SLC24A2: variants seen among roughly 807,000 people sequenced by gnomAD.
SLC24A2 encodes the protein sodium/potassium/calcium exchanger 2.
A neutral mutation model predicts 62.0 loss-of-function variants in SLC24A2; 36 were observed. That is an observed-to-expected ratio of 0.58 (90% CI 0.44 to 0.77). The LOEUF (loss-of-function observed/expected upper bound fraction) is 0.77, where lower values mean the gene tolerates loss of function less well. Ranked by LOEUF, SLC24A2 falls within the 30% of genes least tolerant of loss-of-function variation. The probability of loss-of-function intolerance (pLI) is 0.00; values close to 1 mark genes in which losing one functional copy is unlikely to be tolerated. For missense variants in SLC24A2, 846 were observed against 817.9 expected, an observed-to-expected ratio of 1.03 and a Z score of -0.42; for synonymous variants, 358 against 294.0, an observed-to-expected ratio of 1.22 and a Z score of -2.23.
the SLC24A2 span, among the ~76,000 whole-genome samples, chr9:19,816,052 C>G: frequency 4.8e-5 from 7 of 144,648 alleles, no homozygotes; most frequent in African/African-American, 1.5e-4. Context: ...TTTGTGACAA[C>G]CGGCTGCTAA....
At chr9:20,066,418 A>G in the SLC24A2 span, among the ~76,000 whole-genome samples, 1 of 152,294 alleles carries the variant, frequency 6.6e-6, no homozygotes, top group South Asian at 2.1e-4. Flanking sequence ...AGAATTAGAA[A>G]GGGGGGAAAC....
chr9:19,891,032 A>C, the SLC24A2 span, among the ~76,000 whole-genome samples: 1 of 152,212 alleles, frequency 6.6e-6, no homozygotes, highest in Non-Finnish European at 1.5e-5. Flanking sequence ...CCACTTGTTA[A>C]GTAAAACACC....
At chr9:19,621,384 T>C (rs568159174) in intron 3 of SLC24A2, among the ~76,000 whole-genome samples, 80 of 152,216 alleles carry the variant, frequency 5.3e-4, no homozygotes, top group Non-Finnish European at 9.3e-4. Flanking sequence ...TCTCAATGAA[T>C]GTTATGTCTT....
intron 2 of SLC24A2, among the ~76,000 whole-genome samples, chr9:19,758,795 A>T (rs530334310): frequency 3.3e-5 from 5 of 152,284 alleles, no homozygotes; most frequent in African/African-American, 1.2e-4. Flanking sequence ...AGAAATCAAG[A>T]CAGTCATTTC....
intron 2 of SLC24A2, among the ~76,000 whole-genome samples, chr9:19,723,497 T>C (rs1226104648): frequency 2.0e-5 from 3 of 152,180 alleles, no homozygotes; most frequent in Non-Finnish European, 4.4e-5. Flanking sequence ...CCAAACCGTC[T>C]TAAGCCATAA....
chr9:20,197,304 A>T, the SLC24A2 span, among the ~76,000 whole-genome samples: 1 of 152,154 alleles, frequency 6.6e-6, no homozygotes, highest in East Asian at 1.9e-4. Context: ...ATAGGAAAAG[A>T]GTCCCCTTCC....
intron 2 of SLC24A2, among the ~76,000 whole-genome samples, chr9:19,783,275 C>T (rs560228475): frequency 3.0e-4 from 45 of 152,334 alleles, no homozygotes; most frequent in African/African-American, 1.1e-3. Flanking sequence ...TGTGATTCCT[C>T]TACCTTCCCA....
the SLC24A2 span, among the ~76,000 whole-genome samples, chr9:19,837,458 CAAAAAAAAAAAAAAAAAAAAAAA>C: frequency 4.5e-5 from 1 of 22,348 alleles, no homozygotes; most frequent in Non-Finnish European, 8.5e-5. Context: ...GACTCCGTCT[CAAAAAAAAAAAAAAAAAAAAAAA>C]AAAAAAAAAA....
chr9:19,573,609 T>C (rs190789763), intron 6 of SLC24A2, 140 bp from the exon 7 acceptor site: 14 of 770,066 alleles, frequency 1.8e-5, no homozygotes, highest in East Asian at 8.2e-5. Flanking sequence ...TTTCCTAAAA[T>C]GTTGGGCTAA....
chr9:20,117,833 C>T, the SLC24A2 span, among the ~76,000 whole-genome samples: 1 of 152,060 alleles, frequency 6.6e-6, no homozygotes, highest in African/African-American at 2.4e-5. Flanking sequence ...ATTTAATTCT[C>T]CTGAAAGTCT....
chr9:19,760,993 C>T (rs892424164), intron 2 of SLC24A2, among the ~76,000 whole-genome samples: 1 of 152,124 alleles, frequency 6.6e-6, no homozygotes, highest in Admixed American at 6.5e-5. Flanking sequence ...ATCACACCAA[C>T]ATGGCACATG....
At chr9:19,654,071 G>A (rs1411910839) in intron 2 of SLC24A2, among the ~76,000 whole-genome samples, 21 of 152,078 alleles carry the variant, frequency 1.4e-4, no homozygotes, top group Admixed American at 1.4e-3. Context: ...GTTTCTCCAT[G>A]GCCCTTTGTA....
At chr9:19,677,173 T>C (rs1459663460) in intron 2 of SLC24A2, among the ~76,000 whole-genome samples, 1 of 152,212 alleles carries the variant, frequency 6.6e-6, no homozygotes, top group Non-Finnish European at 1.5e-5. Flanking sequence ...AGACATGGAA[T>C]CAACCTAAAT....
the SLC24A2 span, among the ~76,000 whole-genome samples, chr9:20,141,338 C>T: frequency 6.6e-6 from 1 of 152,010 alleles, no homozygotes; most frequent in East Asian, 1.9e-4. Flanking sequence ...GGACTTGATC[C>T]TGCAGTTAGC....
the SLC24A2 span, among the ~76,000 whole-genome samples, chr9:20,246,774 G>C: frequency 2.1e-4 from 32 of 152,324 alleles, no homozygotes; most frequent in East Asian, 4.8e-3. Context: ...TGCCTGTATA[G>C]CTAGGCACAT....
intron 2 of SLC24A2, among the ~76,000 whole-genome samples, chr9:19,686,018 A>G (rs929878421): frequency 2.0e-5 from 3 of 152,180 alleles, no homozygotes; most frequent in African/African-American, 7.2e-5. Flanking sequence ...CAAACTAAGC[A>G]TTCAACAAAG....
the SLC24A2 span, among the ~76,000 whole-genome samples, chr9:20,126,264 A>G: frequency 0.12 from 17,808 of 152,170 alleles, 1,053 homozygotes; most frequent in Middle Eastern, 0.17. Flanking sequence ...GAGTAGTTTA[A>G]GCATTTATTT....
chr9:20,198,460 A>T, the SLC24A2 span, among the ~76,000 whole-genome samples: 4 of 152,186 alleles, frequency 2.6e-5, no homozygotes, highest in South Asian at 4.2e-4. Flanking sequence ...TTCGCCCTTT[A>T]ATCTTTTCCC....
At chr9:19,825,957 G>C in the SLC24A2 span, among the ~76,000 whole-genome samples, 1 of 152,094 alleles carries the variant, frequency 6.6e-6, no homozygotes, top group African/African-American at 2.4e-5. Context: ...ATTGCCCATT[G>C]AGGTGTGAAT....
Sources: gnomAD v4.1 joint callset for allele counts (sites outside exome capture counted in the v4.1 genomes callset) on GRCh38, gnomAD v4.1.1 for gene constraint, MANE v1.5 for transcripts, NCBI Gene and HGNC (gene_info 2026-07-23, HGNC 2026-07-21) for gene names.